SLC30A6: variants seen among roughly 807,000 people sequenced by gnomAD.
The protein encoded by SLC30A6 is solute carrier family 30 member 6.
Under a neutral mutation model 63.0 loss-of-function variants are expected in SLC30A6, and 55 were observed. That is an observed-to-expected ratio of 0.87 (90% CI 0.70 to 1.09). The LOEUF is 1.09. Ranked by LOEUF, SLC30A6 falls within the 50% of genes least tolerant of loss-of-function variation. SLC30A6 has a pLI of 0.00. For missense variants in SLC30A6, 587 were observed against 549.2 expected, an observed-to-expected ratio of 1.07 and a Z score of -0.69; for synonymous variants, 224 against 186.1, an observed-to-expected ratio of 1.20 and a Z score of -1.66.
At chr2:32,191,840 G>A (rs1232439975) in intron 5 of SLC30A6, among the ~76,000 whole-genome samples, 2 of 151,990 alleles carry the variant, frequency 1.3e-5, no homozygotes, top group African/African-American at 2.4e-5. Context: ...TCCAGCCTGG[G>A]CAACATAGTG....
intron 10 of SLC30A6, among the ~76,000 whole-genome samples, chr2:32,200,169 A>T (rs1684160927): frequency 1.3e-5 from 2 of 151,966 alleles, no homozygotes; most frequent in Admixed American, 1.3e-4. Flanking sequence ...TCCCATTCTC[A>T]TTGCTGCTGT....
chr2:32,205,658 A>C (rs1684691565), intron 11 of SLC30A6, among the ~76,000 whole-genome samples: 3 of 124,206 alleles, frequency 2.4e-5, no homozygotes, highest in Non-Finnish European at 5.0e-5. Context: ...AAAGAATGTT[A>C]CTTCTTTTTT....
At position 32,192,339 on chromosome 2, in the gene SLC30A6, T is replaced by A. The variant is rs369914347; in HGVS notation, c.288T>A (p.Phe96Leu). ...CTAATTAATGTTTTGGTTTCAGGTT[T>A]GAAAGATTAGAAGTCCTGGCTGTAT... Reference protein sequence around the residue: ...RKPSPVYSFGFERLEVLAVFA... With the variant: ...RKPSPVYSFGLERLEVLAVFA... The change falls in exon 6 of 14, where the codon TTT becomes TTA. Residue 96 changes from phenylalanine to leucine, a missense_variant. By Grantham distance (22) the Phe-to-Leu change is conservative. Coordinates refer to ENST00000282587, the MANE Select transcript of SLC30A6 (RefSeq NM_017964.5). The A allele has an allele frequency of 1.2e-6, 2 of 1,613,976 alleles. No homozygotes were observed. Among genetic ancestry groups the A allele is most frequent in the South Asian group, 2.2e-5 (2 of 91,082 alleles).
At chr2:32,201,627 A>G (rs1019710613) in intron 10 of SLC30A6, 65 of 1,515,886 alleles carry the variant, frequency 4.3e-5, no homozygotes, top group Non-Finnish European at 5.0e-5. Context: ...CTGGGGGTAC[A>G]TTATGGAACT....
rs10681739 is a variant in SLC30A6 at position 32,215,516 on chromosome 2, A to ATT, written c.886-4682_886-4681dup. On this transcript the variant is annotated intron_variant, in intron 13 of 13. Transcript: ENST00000282587. ...GGCCATCTATTATATATATATATAT[A>ATT]TTTTTTTTTTTTTTTTAAGTTCTTA... Among the ~76,000 whole-genome samples the ATT allele has an allele frequency of 4.9e-3, 644 of 132,474 alleles. 4 individuals are homozygous for ATT. The highest frequency in any genetic ancestry group is 5.4e-3 in the Non-Finnish European group (346 of 63,728). 86.9% of individuals were successfully genotyped at this position (132,474 alleles called of 152,430 possible).
At chr2:32,171,695 TA>T (rs987069377) in intron 2 of SLC30A6, among the ~76,000 whole-genome samples, 3 of 111,914 alleles carry the variant, frequency 2.7e-5, no homozygotes, top group Non-Finnish European at 5.7e-5. Context: ...CTCTTTTATT[TA>T]TTTTTTTTTT....
intron 2 of SLC30A6, among the ~76,000 whole-genome samples, chr2:32,173,432 G>A (rs1474541692): frequency 6.6e-6 from 1 of 150,804 alleles, no homozygotes; most frequent in Non-Finnish European, 1.5e-5. Context: ...GGAGTGCAGT[G>A]GCACAATCTC....
intron 5 of SLC30A6, among the ~76,000 whole-genome samples, chr2:32,185,649 A>T (rs1375716334): frequency 6.6e-6 from 1 of 152,152 alleles, no homozygotes; most frequent in Non-Finnish European, 1.5e-5. Context: ...GTAAACAAAA[A>T]TTTTAATGCA....
chr2:32,220,180 G>A (rs1686044501), intron 13 of SLC30A6, 33 bp from the exon 14 acceptor site: 2 of 1,579,794 alleles, frequency 1.3e-6, no homozygotes, highest in African/African-American at 1.4e-5. Context: ...ATAATTCTAA[G>A]CAATCTCTTT....
rs1394772228 is a variant in SLC30A6 at position 32,224,177 on chromosome 2, A to G, written c.*3464A>G. On this transcript the variant is annotated 3_prime_UTR_variant, in exon 14 of 14. Coordinates refer to ENST00000282587, the MANE Select transcript of SLC30A6 (RefSeq NM_017964.5). ...TCATATTCAGCGAATATTTATTGAG[A>G]ATATTGTTGAGAATCTCTTACATGC... 4.0e-6 allele frequency: 1 copy of G among 249,936 alleles called. No homozygotes were observed. Among genetic ancestry groups the G allele is most frequent in the Non-Finnish European group, 7.6e-6 (1 of 131,664 alleles). The allele number at this position is 249,936 out of a possible 1,614,324, so 15.5% of individuals were successfully genotyped here.
At chr2:32,182,747 C>T (rs988739672) in intron 4 of SLC30A6, among the ~76,000 whole-genome samples, 2 of 152,144 alleles carry the variant, frequency 1.3e-5, no homozygotes, top group Non-Finnish European at 2.9e-5. Context: ...AGGAAAGCAG[C>T]CAAATTAAGC....
intron 4 of SLC30A6, among the ~76,000 whole-genome samples, chr2:32,175,958 C>T (rs756303321): frequency 1.3e-5 from 2 of 151,688 alleles, no homozygotes; most frequent in East Asian, 1.9e-4. Context: ...GGGCAACGAG[C>T]GAAACTCAGT....
At chr2:32,196,631 G>A (rs774625293) in intron 8 of SLC30A6, among the ~76,000 whole-genome samples, 1 of 152,112 alleles carries the variant, frequency 6.6e-6, no homozygotes, top group African/African-American at 2.4e-5. Flanking sequence ...TTTAAAATTC[G>A]AAACGCTCCT....
rs548469878 is a variant in SLC30A6, at chr2:32,180,620, A to T, written c.219-3653A>T. ...GCTAATTTTTGTATTTTTAGTGGAG[A>T]TGGGGTTTCACCATGTTGGCCAGGC... On this transcript the variant is annotated intron_variant, in intron 4 of 13. Coordinates refer to ENST00000282587, the MANE Select transcript of SLC30A6 (RefSeq NM_017964.5). Among the ~76,000 whole-genome samples the T allele has an allele frequency of 1.5e-4, 23 of 151,904 alleles. No homozygotes were observed. The East Asian group carries it at 3.9e-3, about 26-fold the overall frequency.
chr2:32,178,027 A>C (rs1054933920), intron 4 of SLC30A6, among the ~76,000 whole-genome samples: 2 of 146,590 alleles, frequency 1.4e-5, no homozygotes, highest in Non-Finnish European at 3.0e-5. Flanking sequence ...GGCTCACTGC[A>C]ATCTCCGCCT....
intron 13 of SLC30A6, among the ~76,000 whole-genome samples, chr2:32,219,927 A>G (rs1368862194): frequency 6.6e-6 from 1 of 151,922 alleles, no homozygotes; most frequent in Non-Finnish European, 1.5e-5. Context: ...CGGCTCTTAC[A>G]TTGTATTTTT....
At chr2:32,183,687 CA>C (rs564803931) in intron 4 of SLC30A6, among the ~76,000 whole-genome samples, 221 of 110,060 alleles carry the variant, frequency 2.0e-3, no homozygotes, top group Admixed American at 2.3e-3. Flanking sequence ...GACTCTGTCT[CA>C]AAAAAAAAAA....
intron 8 of SLC30A6, among the ~76,000 whole-genome samples, chr2:32,195,810 G>T (rs1683737642): frequency 6.6e-6 from 1 of 152,190 alleles, no homozygotes; most frequent in East Asian, 1.9e-4. Context: ...CCAAAGTGCT[G>T]GGACGACAGG....
chr2:32,192,682 C>T (rs572030173), intron 6 of SLC30A6, among the ~76,000 whole-genome samples: 4 of 151,984 alleles, frequency 2.6e-5, no homozygotes, highest in Admixed American at 1.3e-4. Flanking sequence ...ATTACAAACC[C>T]ATTGAAATAG....
Sources: gnomAD v4.1 joint callset for allele counts (sites outside exome capture counted in the v4.1 genomes callset) on GRCh38, gnomAD v4.1.1 for gene constraint, MANE v1.5 for transcripts, NCBI Gene and HGNC (gene_info 2026-07-23, HGNC 2026-07-21) for gene names.